ENPP1: variants seen among roughly 807,000 people sequenced by gnomAD.
The protein encoded by ENPP1 is ectonucleotide pyrophosphatase/phosphodiesterase 1, also known as ectonucleotide pyrophosphatase/phosphodiesterase family member 1.
In ENPP1, 73 loss-of-function variants were observed where a neutral mutation model predicts 122.8. The observed-to-expected ratio is 0.59, with a 90% CI of 0.49 to 0.72. The LOEUF (loss-of-function observed/expected upper bound fraction) is 0.72, where lower values mean the gene tolerates loss of function less well. Among genes scored for constraint, ENPP1 ranks in the 30% least tolerant of loss-of-function variants. The pLI is 0.00. For synonymous variants in ENPP1, 367 were observed against 391.6 expected (o/e 0.94, Z 0.74); for missense variants, 978 against 1,128.1 (o/e 0.87, Z 1.91).
intron 7 of ENPP1, among the ~76,000 whole-genome samples, chr6:131,859,541 A>G (rs1045247585): frequency 2.0e-5 from 3 of 151,526 alleles, no homozygotes; most frequent in African/African-American, 7.3e-5. Flanking sequence ...GCACACCACC[A>G]CGCCCGGCTA....
intron 11 of ENPP1, among the ~76,000 whole-genome samples, chr6:131,866,706 C>A (rs920396018): frequency 2.0e-5 from 3 of 152,166 alleles, no homozygotes; most frequent in African/African-American, 7.2e-5. Context: ...CTCCATTGTG[C>A]CTTCCTTTCA....
At chr6:131,840,542 C>T (rs1024400548) in intron 1 of ENPP1, among the ~76,000 whole-genome samples, 1 of 152,208 alleles carries the variant, frequency 6.6e-6, no homozygotes, top group Non-Finnish European at 1.5e-5. Flanking sequence ...CCTATGCCCT[C>T]GTCACCAATC....
At chr6:131,816,645 G>A (rs771986728) in intron 1 of ENPP1, among the ~76,000 whole-genome samples, 3 of 152,186 alleles carry the variant, frequency 2.0e-5, no homozygotes, top group Non-Finnish European at 2.9e-5. Flanking sequence ...AGTTATCTGA[G>A]ATTTAGTTGC....
intron 1 of ENPP1, among the ~76,000 whole-genome samples, chr6:131,844,898 A>G (rs1276144530): frequency 6.6e-6 from 1 of 152,226 alleles, no homozygotes; most frequent in Non-Finnish European, 1.5e-5. Flanking sequence ...AAACTTAGAA[A>G]GGAATATGGA....
At chr6:131,841,231 T>A (rs1286772413) in intron 1 of ENPP1, among the ~76,000 whole-genome samples, 1 of 152,188 alleles carries the variant, frequency 6.6e-6, no homozygotes, top group African/African-American at 2.4e-5. Context: ...TGTAGAAGTT[T>A]CTTGGCACTG....
intron 1 of ENPP1, among the ~76,000 whole-genome samples, chr6:131,839,707 G>C (rs1781717417): frequency 6.6e-6 from 1 of 151,484 alleles, no homozygotes; most frequent in Non-Finnish European, 1.5e-5. Context: ...CAAAAATTGG[G>C]ACCATATTAC....
chr6:131,818,205 C>G (rs373267571), intron 1 of ENPP1, among the ~76,000 whole-genome samples: 8 of 151,896 alleles, frequency 5.3e-5, no homozygotes, highest in Admixed American at 2.6e-4. Flanking sequence ...ACTTTTACAC[C>G]GTGGTATTAA....
intron 24 of ENPP1, among the ~76,000 whole-genome samples, chr6:131,888,138 A>G (rs1782413117): frequency 6.6e-6 from 1 of 151,942 alleles, no homozygotes; most frequent in African/African-American, 2.4e-5. Flanking sequence ...CGGGGGTTAC[A>G]GTCATGAGCC....
chr6:131,826,722 G>T lies in ENPP1; in HGVS notation c.240+18447G>T, dbSNP rs866914516. The stretch of plus-strand genomic sequence containing the variant: ...ATTCTTCAGTGAAGGCAAGAGGTCT[G>T]CAATGACTTGTGGGATCTGGGAGAG... On this transcript the variant is annotated intron_variant, in intron 1 of 24. Transcript: ENST00000647893. The T allele has an allele frequency of 2.8e-5, 15 of 532,892 alleles. 1 individual carries two copies. In the Middle Eastern group the frequency reaches 4.3e-3, roughly 151 times the overall value. The allele number at this position is 532,892 out of a possible 1,614,324, so 33.0% of individuals were successfully genotyped here. A position where few individuals can be genotyped will look rare whatever the true frequency, so the allele number is the denominator to read the frequency against.
chr6:131,890,466 T>G lies in ENPP1; in HGVS notation c.2733T>G (p.Ile911Met). 1 of 1,614,080 alleles carries G rather than the reference T, an allele frequency of 6.2e-7. No homozygotes were observed. The change falls in exon 25 of 25, where the codon ATT (isoleucine) becomes ATG (methionine). Residue 911 changes from isoleucine to methionine, a missense_variant. Around this residue, in one of 3 missense-constraint regions of ENPP1, gnomAD observed 644 missense variants for 781.5 expected, o/e 0.82. Coordinates refer to ENST00000647893, the MANE Select transcript of ENPP1 (RefSeq NM_006208.3). ...YQQRKEPVSD[I>M]LKLKTHLPTF... ...AAAGAAAAGAGCCAGTTTCAGACAT[T>G]TTAAAGTTGAAAACACATTTGCCAA...
chr6:131,882,421 G>A lies in ENPP1; in HGVS notation c.2177G>A (p.Cys726Tyr). The change falls in exon 21 of 25, where the codon TGT (cysteine) becomes TAT (tyrosine). Residue 726 changes from cysteine (C) to tyrosine (Y), a missense_variant. Cys to Tyr is a radical substitution (Grantham distance 194). Around this residue, in one of 3 missense-constraint regions of ENPP1, gnomAD observed 644 missense variants for 781.5 expected, o/e 0.82. Coordinates refer to ENST00000647893, the MANE Select transcript of ENPP1 (RefSeq NM_006208.3). ...FRIPLSPVHK[C>Y]SFYKNNTKVS... ...ATTCCTCTTAGTCCTGTCCATAAAT[G>A]TTCATTTTATAAAAATAACACCAAA... 2 of 1,608,980 alleles carry A rather than the reference G, an allele frequency of 1.2e-6. No homozygotes were observed. Among genetic ancestry groups the A allele is most frequent in the Non-Finnish European group, 1.7e-6 (2 of 1,176,512 alleles).
chr6:131,875,257 T>C (rs891595771), intron 16 of ENPP1, among the ~76,000 whole-genome samples: 4 of 152,320 alleles, frequency 2.6e-5, no homozygotes, highest in Non-Finnish European at 5.9e-5. Flanking sequence ...CATAAACATA[T>C]GACATATCTC....
chr6:131,844,445 T>C (rs1781780038), intron 1 of ENPP1, among the ~76,000 whole-genome samples: 1 of 152,232 alleles, frequency 6.6e-6, no homozygotes, highest in Non-Finnish European at 1.5e-5. Context: ...TGCCAGTGAT[T>C]AGCCCATAGG....
At chr6:131,835,291 G>A (rs1781660555) in intron 1 of ENPP1, among the ~76,000 whole-genome samples, 1 of 151,912 alleles carries the variant, frequency 6.6e-6, no homozygotes, top group Non-Finnish European at 1.5e-5. Context: ...AAATTATTTT[G>A]TCAATTGTCA....
intron 1 of ENPP1, among the ~76,000 whole-genome samples, chr6:131,815,503 G>A (rs1001499312): frequency 2.0e-5 from 3 of 152,108 alleles, no homozygotes; most frequent in Non-Finnish European, 4.4e-5. Flanking sequence ...TGTTTCAAAA[G>A]CACTTTGCTA....
intron 9 of ENPP1, among the ~76,000 whole-genome samples, chr6:131,863,249 A>G (rs1782045939): frequency 6.6e-6 from 1 of 152,194 alleles, no homozygotes; most frequent in Admixed American, 6.5e-5. Context: ...CTGGATTTCC[A>G]TTTCTAAATT....
Position 131,886,594 on chromosome 6 carries a change from T to G in ENPP1, c.2477T>G (p.Leu826Trp), listed in dbSNP as rs1246275748. 6.2e-7 allele frequency: 1 copy of G among 1,613,836 alleles called. No homozygotes were observed. Among genetic ancestry groups the G allele is most frequent in the East Asian group, 2.2e-5 (1 of 44,872 alleles). Reference protein sequence around the residue: ...KRRVIRNQEILIPTHFFIVLT... With the variant: ...KRRVIRNQEIWIPTHFFIVLT... ...AGAGTCATCCGTAACCAAGAAATTT[T>G]GATTCCAACTCACTTCTTTATTGTG... is the stretch of plus-strand genomic sequence containing the variant. The change falls in exon 24 of 25, where the codon TTG (leucine) becomes TGG (tryptophan). Residue 826 changes from leucine to tryptophan, a missense_variant. Physicochemically the swap from Leu to Trp is moderately conservative, Grantham distance 61. Coordinates refer to ENST00000647893, the MANE Select transcript of ENPP1 (RefSeq NM_006208.3).
intron 12 of ENPP1, among the ~76,000 whole-genome samples, chr6:131,868,452 T>A (rs1416686528): frequency 2.0e-5 from 3 of 152,198 alleles, no homozygotes; most frequent in African/African-American, 7.2e-5. Flanking sequence ...TTTTTTGTTG[T>A]TGTTTTTGAG....
rs879633475 is a variant in ENPP1, at chr6:131,861,615, T to G, written c.936T>G (p.Tyr312Ter). The change falls in exon 9 of 25, where the codon TAT (tyrosine) becomes TAG (stop). Residue 312 changes from tyrosine (Y) to a stop codon, truncating the protein, a stop_gained. Transcript: ENST00000647893. LOFTEE classifies it high-confidence loss of function. ...KGEPIWVTAKYQGLKSGTFFW... is the reference protein window; with the variant it reads ...KGEPIWVTAK Reference sequence around the variant, plus strand: ...TCCAGATTTGGGTCACAGCTAAGTATCAAGGCCTCAAGTCTGGCACATTTT... The same window carrying G: ...TCCAGATTTGGGTCACAGCTAAGTAGCAAGGCCTCAAGTCTGGCACATTTT... The G allele has an allele frequency of 6.2e-7, 1 of 1,612,854 alleles. No individual in the cohort carries two copies. Among genetic ancestry groups the G allele is most frequent in the Non-Finnish European group, 8.5e-7 (1 of 1,178,844 alleles).
Sources: gnomAD v4.1 joint callset for allele counts (sites outside exome capture counted in the v4.1 genomes callset) on GRCh38, gnomAD v4.1.1 for gene constraint, gnomAD v4.1.1 regional missense constraint, MANE v1.5 for transcripts, NCBI Gene and HGNC (gene_info 2026-07-23, HGNC 2026-07-21) for gene names.